The following GPR139 variants were observed in gnomAD, a reference collection of about 807,000 sequenced individuals.
GPR139 encodes the protein G protein-coupled receptor 139.
GPR139 carries 12 observed loss-of-function variants against 25.8 expected under a neutral mutation model. The ratio of observed to expected loss-of-function variants is 0.47; its 90% confidence interval spans 0.30 to 0.75. The LOEUF (loss-of-function observed/expected upper bound fraction) is 0.75, where lower values mean the gene tolerates loss of function less well. GPR139 is among the 30% of genes least tolerant of loss of function. GPR139 has a pLI of 0.07. For synonymous variants in GPR139, 184 were observed against 179.9 expected (o/e 1.02, Z -0.18); for missense variants, 380 against 450.2 (o/e 0.84, Z 1.41).
rs772331191 is a variant in GPR139 at position 20,032,519 on chromosome 16, T to G, written c.278A>C (p.Asn93Thr). 1.9e-6 allele frequency: 3 copies of G among 1,614,030 alleles called. No individual in the cohort carries two copies. The African/African-American group carries it at 4.0e-5, about 22-fold the overall frequency. The change falls in exon 2 of 2, where the codon AAC becomes ACC. Residue 93 changes from asparagine (N) to threonine (T), a missense_variant. Physicochemically the swap from Asn to Thr is moderately conservative, Grantham distance 65. Transcript: ENST00000570682. Reference protein sequence around the residue: ...VDFLLEDFILNMQMPQVPDKI... With the variant: ...VDFLLEDFILTMQMPQVPDKI... ...GTCGGGGACCTGAGGCATCTGCATG[T>G]TCAAGATGAAATCTTCCAACAGGAA...
At chr16:20,043,962 CT>C (rs199994055) in intron 1 of GPR139, among the ~76,000 whole-genome samples, 1 of 138,578 alleles carries the variant, frequency 7.2e-6, no homozygotes, top group Non-Finnish European at 1.6e-5. Context: ...ACTTTTCTAG[CT>C]GGTGCTTTTG....
chr16:20,047,276 A>G (rs2057357542), intron 1 of GPR139, among the ~76,000 whole-genome samples: 1 of 151,972 alleles, frequency 6.6e-6, no homozygotes, highest in African/African-American at 2.4e-5. Flanking sequence ...ATGCCTGGCT[A>G]AATTTTGTAT....
intron 1 of GPR139, among the ~76,000 whole-genome samples, chr16:20,065,023 T>A (rs1369610323): frequency 1.3e-5 from 2 of 152,186 alleles, no homozygotes; most frequent in East Asian, 3.9e-4. Flanking sequence ...CCATCCCTGT[T>A]TTTCCTCGAT....
At chr16:20,049,101 T>G (rs72772722) in intron 1 of GPR139, among the ~76,000 whole-genome samples, 12,363 of 152,238 alleles carry the variant, frequency 0.081, 592 homozygotes, top group Non-Finnish European at 0.11. Flanking sequence ...ACCCATTCAC[T>G]GGGAGCCCCT....
chr16:20,040,239 CA>C (rs1187191797), intron 1 of GPR139, among the ~76,000 whole-genome samples: 1 of 152,196 alleles, frequency 6.6e-6, no homozygotes, highest in Non-Finnish European at 1.5e-5. Context: ...CAGCAGAGCC[CA>C]GTCAGCCCAG....
In GPR139 at chr16:20,073,774, T is replaced by A. The variant is rs1157996386; in HGVS notation, c.-158A>T. ...TCCTACCCTTGGCCGTGATCCCCTC[T>A]GCTCGCTCCGCACCTGCCCGCCTGG... On this transcript the variant is annotated 5_prime_UTR_variant, in exon 1 of 2. Transcript: ENST00000570682. This position sits in a 1 kb window ranked among gnomAD's most constrained non-coding sequence, Gnocchi z 4.7. 14 of 935,332 alleles carry A rather than the reference T, an allele frequency of 1.5e-5. No homozygotes were observed. In the East Asian group the frequency reaches 3.9e-4, roughly 26 times the overall value. 57.9% of individuals were successfully genotyped at this position (935,332 alleles called of 1,614,324 possible).
At position 20,051,072 on chromosome 16, in the gene GPR139, A is replaced by AAAAAAG. The variant is rs542691880; in HGVS notation, c.128-18404_128-18403insCTTTTT. Among the ~76,000 whole-genome samples the AAAAAAG allele has an allele frequency of 5.2e-4, 76 of 145,636 alleles. 1 individual carries two copies. Among genetic ancestry groups the AAAAAAG allele is most frequent in the Middle Eastern group, 3.5e-3 (1 of 282 alleles). ...AGCAAGACCCTGTTTCAAAAAAAAA[A>AAAAAAG]AAAGAAAGAAAGAAAGAAGAAGGAA... is the stretch of plus-strand genomic sequence containing the variant. On this transcript the variant is annotated intron_variant, in intron 1 of 1. Transcript: ENST00000570682.
intron 1 of GPR139, among the ~76,000 whole-genome samples, chr16:20,061,516 G>C (rs1450404805): frequency 6.6e-6 from 1 of 152,208 alleles, no homozygotes; most frequent in African/African-American, 2.4e-5. Context: ...TTGTCTGATT[G>C]TGCTCTCTGA....
At chr16:20,053,682 G>A (rs1392308182) in intron 1 of GPR139, among the ~76,000 whole-genome samples, 1 of 152,166 alleles carries the variant, frequency 6.6e-6, no homozygotes, top group African/African-American at 2.4e-5. Context: ...TTAGACAAAT[G>A]TTAATCATTA....
At position 20,073,793 on chromosome 16, in the gene GPR139, C is replaced by A. The variant is rs1288921640; in HGVS notation, c.-177G>T. 2.6e-6 allele frequency: 2 copies of A among 781,366 alleles called. No individual in the cohort carries two copies. Among genetic ancestry groups the A allele is most frequent in the South Asian group, 2.2e-5 (1 of 46,148 alleles). The allele number at this position is 781,366 out of a possible 1,614,324, so 48.4% of individuals were successfully genotyped here. A position where few individuals can be genotyped will look rare whatever the true frequency, so the allele number is the denominator to read the frequency against. On this transcript the variant is annotated 5_prime_UTR_variant, in exon 1 of 2. Transcript: ENST00000570682. This position sits in a 1 kb window ranked among gnomAD's most constrained non-coding sequence, Gnocchi z 4.7. Reference sequence around the variant, plus strand: ...CCCCTCTGCTCGCTCCGCACCTGCCCGCCTGGAGTCTTGGCTCAGCCCTCC... The same window carrying A: ...CCCCTCTGCTCGCTCCGCACCTGCCAGCCTGGAGTCTTGGCTCAGCCCTCC...
In GPR139 at chr16:20,029,546, G is replaced by A. The variant is rs1179384287; in HGVS notation, c.*2189C>T. The stretch of plus-strand genomic sequence containing the variant: ...TTGGTCAATGTCCATTCATAAGGGG[G>A]TGTAGTGGCGTTGCATCACACACAC... On this transcript the variant is annotated 3_prime_UTR_variant, in exon 2 of 2. Coordinates refer to ENST00000570682, the MANE Select transcript of GPR139 (RefSeq NM_001002911.4). Among the ~76,000 whole-genome samples, 1 of 151,758 alleles carries A rather than the reference G, an allele frequency of 6.6e-6. No individual in the cohort carries two copies. Among genetic ancestry groups the A allele is most frequent in the East Asian group, 1.9e-4 (1 of 5,188 alleles).
At chr16:20,053,879 A>C (rs2057380603) in intron 1 of GPR139, among the ~76,000 whole-genome samples, 1 of 152,186 alleles carries the variant, frequency 6.6e-6, no homozygotes, top group East Asian at 1.9e-4. Flanking sequence ...GAAGCTAATA[A>C]AAATTTAGCC....
intron 1 of GPR139, among the ~76,000 whole-genome samples, chr16:20,037,741 C>G (rs768897172): frequency 2.0e-4 from 30 of 152,198 alleles, no homozygotes; most frequent in Non-Finnish European, 4.3e-4. Flanking sequence ...GACTTTCTGT[C>G]TTAATAGATT....
At chr16:20,051,073 A>AAAAAG (rs1230583622) in intron 1 of GPR139, among the ~76,000 whole-genome samples, 1 of 103,318 alleles carries the variant, frequency 9.7e-6, no homozygotes, top group Non-Finnish European at 2.4e-5. Flanking sequence ...AAAAAAAAAA[A>AAAAAG]AAGAAAGAAA....
rs570287086 is a variant in GPR139 at position 20,029,146 on chromosome 16, C to A, written c.*2589G>T. ...CACTACAGTGCCTTCAAGAATTGGA[C>A]CTCTTTTAAATATCATGTAGCAAAA... is the stretch of plus-strand genomic sequence containing the variant. On this transcript the variant is annotated 3_prime_UTR_variant, in exon 2 of 2. Coordinates refer to ENST00000570682, the MANE Select transcript of GPR139 (RefSeq NM_001002911.4). 3.3e-5 allele frequency among the ~76,000 whole-genome samples: 5 copies of A among 152,154 alleles called. No individual in the cohort carries two copies. In the South Asian group the frequency reaches 6.2e-4, roughly 19 times the overall value.
chr16:20,062,502 G>A (rs1027798042), intron 1 of GPR139, among the ~76,000 whole-genome samples: 6 of 152,204 alleles, frequency 3.9e-5, no homozygotes, highest in Non-Finnish European at 8.8e-5. Context: ...CTTCAGAACT[G>A]TGAGATGTAA....
At chr16:20,045,900 A>G (rs1042472135) in intron 1 of GPR139, among the ~76,000 whole-genome samples, 2 of 152,006 alleles carry the variant, frequency 1.3e-5, no homozygotes, top group African/African-American at 2.4e-5. Context: ...GGGGATACTT[A>G]TTTGTTTTTG....
In GPR139 at chr16:20,030,839, T is replaced by C. The variant is rs898426979; in HGVS notation, c.*896A>G. ...AAGCAAGGAGGCAGGGTTGGCAACT[T>C]GACACGTAAAAAGGCTTCTCTAGGA... On this transcript the variant is annotated 3_prime_UTR_variant, in exon 2 of 2. Coordinates refer to ENST00000570682, the MANE Select transcript of GPR139 (RefSeq NM_001002911.4). 1.3e-5 allele frequency among the ~76,000 whole-genome samples: 2 copies of C among 152,196 alleles called. No homozygotes were observed. Among genetic ancestry groups the C allele is most frequent in the African/African-American group, 4.8e-5 (2 of 41,456 alleles).
chr16:20,053,407 G>A (rs2057378923), intron 1 of GPR139, among the ~76,000 whole-genome samples: 1 of 152,120 alleles, frequency 6.6e-6, no homozygotes, highest in South Asian at 2.1e-4. Flanking sequence ...TGAATAAATA[G>A]GACACTCCTT....
Sources: allele counts gnomAD v4.1 joint callset (sites outside exome capture counted in the v4.1 genomes callset), GRCh38; gene constraint gnomAD v4.1.1; non-coding constraint Gnocchi (gnomAD v3.1); transcripts MANE v1.5; gene names NCBI Gene and HGNC (gene_info 2026-07-23, HGNC 2026-07-21).